The following LAPTM4B variants were observed in gnomAD, a reference collection of about 807,000 sequenced individuals.
LAPTM4B encodes the protein lysosomal protein transmembrane 4 beta.
A neutral mutation model predicts 28.5 loss-of-function variants in LAPTM4B; 26 were observed. The observed-to-expected ratio is 0.91, with a 90% CI of 0.67 to 1.27. The LOEUF (loss-of-function observed/expected upper bound fraction) is 1.27, where lower values mean the gene tolerates loss of function less well. Ranked by LOEUF, LAPTM4B falls within the 50% of genes most tolerant of loss-of-function variation. The probability of loss-of-function intolerance (pLI) is 0.00; values close to 1 mark genes in which losing one functional copy is unlikely to be tolerated. For missense variants in LAPTM4B, 288 were observed against 285.8 expected (o/e 1.01, Z -0.06); for synonymous variants, 109 against 106.4 (o/e 1.02, Z -0.15).
At position 97,790,500 on chromosome 8, in the gene LAPTM4B, T is replaced by C. The variant is rs137962612; in HGVS notation, c.99+14392T>C. 6.6e-3 allele frequency among the ~76,000 whole-genome samples: 1,007 copies of C among 151,792 alleles called. 17 individuals are homozygous for C. The highest frequency in any genetic ancestry group is 0.022 in the African/African-American group (929 of 41,394). ...CTAATTTTTGTATTTTTAGTAGAGATGGAGTTTCACTATGTTGGCCAGGCT... is the reference window on the plus strand; with the variant it reads ...CTAATTTTTGTATTTTTAGTAGAGACGGAGTTTCACTATGTTGGCCAGGCT... On this transcript the variant is annotated intron_variant, in intron 1 of 6. Transcript: ENST00000521545.
At chr8:97,784,958 T>G (rs1033031711) in intron 1 of LAPTM4B, among the ~76,000 whole-genome samples, 2 of 152,146 alleles carry the variant, frequency 1.3e-5, no homozygotes, top group Non-Finnish European at 2.9e-5. Context: ...TTGAACAGAT[T>G]TAGATAGGGA....
At chr8:97,834,151 A>C (rs1429662061) in intron 6 of LAPTM4B, among the ~76,000 whole-genome samples, 1 of 148,938 alleles carries the variant, frequency 6.7e-6, no homozygotes, top group Admixed American at 6.7e-5. Flanking sequence ...ACAGAAAAAA[A>C]AAAAAAATCC....
intron 6 of LAPTM4B, among the ~76,000 whole-genome samples, chr8:97,841,033 CGG>C (rs1817339940): frequency 3.3e-5 from 5 of 150,800 alleles, no homozygotes; most frequent in African/African-American, 9.8e-5. Context: ...GATGGGGCGG[CGG>C]CTGGGCAGAG....
At chr8:97,795,561 G>A (rs1053849415) in intron 1 of LAPTM4B, among the ~76,000 whole-genome samples, 1 of 152,068 alleles carries the variant, frequency 6.6e-6, no homozygotes, top group Admixed American at 6.6e-5. Context: ...TTTTAAGAAA[G>A]TCTAACACTG....
At chr8:97,778,608 C>T (rs1423261335) in intron 1 of LAPTM4B, among the ~76,000 whole-genome samples, 1 of 152,142 alleles carries the variant, frequency 6.6e-6, no homozygotes, top group Non-Finnish European at 1.5e-5. Flanking sequence ...CGTTTGTGTC[C>T]GGTTGATAAC....
chr8:97,795,302 C>T (rs1318218122), intron 1 of LAPTM4B, among the ~76,000 whole-genome samples: 1 of 151,934 alleles, frequency 6.6e-6, no homozygotes, highest in African/African-American at 2.4e-5. Context: ...GTTGCCCAGG[C>T]TAGTCTTGAA....
intron 2 of LAPTM4B, among the ~76,000 whole-genome samples, chr8:97,811,773 A>T (rs1324106361): frequency 1.3e-5 from 2 of 152,154 alleles, no homozygotes; most frequent in Non-Finnish European, 2.9e-5. Context: ...AAGCTGAGCC[A>T]GGGGAACCAT....
At chr8:97,835,027 T>C (rs2449539) in intron 6 of LAPTM4B, among the ~76,000 whole-genome samples, 11,618 of 152,278 alleles carry the variant, frequency 0.076, 998 homozygotes, top group East Asian at 0.37. Flanking sequence ...TCTGAGACTC[T>C]AATGGGGGTT....
intron 1 of LAPTM4B, among the ~76,000 whole-genome samples, chr8:97,797,910 A>C (rs1367539542): frequency 6.6e-6 from 1 of 152,236 alleles, no homozygotes; most frequent in African/African-American, 2.4e-5. Flanking sequence ...AGAACAAGGA[A>C]AAATATGTGA....
At chr8:97,776,212 A>C (rs1028909370) in intron 1 of LAPTM4B, 104 bp downstream of exon 1, 3 of 1,269,604 alleles carry the variant, frequency 2.4e-6, no homozygotes, top group Non-Finnish European at 3.1e-6. Flanking sequence ...TCATCCGCCT[A>C]AAGTTGTATT....
chr8:97,819,215 A>G lies in LAPTM4B; in HGVS notation c.484A>G (p.Ile162Val), dbSNP rs376503517. The change falls in exon 5 of 7, where the codon ATT (isoleucine) becomes GTT (valine). Residue 162 changes from isoleucine to valine, a missense_variant. Coordinates refer to ENST00000521545, the MANE Select transcript of LAPTM4B (RefSeq NM_018407.6). Reference sequence around the variant, plus strand: ...TTTGGTCCTTATTATTCTTCTGTTTATTAGCATTATCTTGACTTTTAAGGT... The same window carrying G: ...TTTGGTCCTTATTATTCTTCTGTTTGTTAGCATTATCTTGACTTTTAAGGT... ...TCLVLIILLF[I>V]SIILTFKGYL... 7.5e-6 allele frequency: 12 copies of G among 1,596,074 alleles called. No individual in the cohort carries two copies. Among genetic ancestry groups the G allele is most frequent in the Non-Finnish European group, 1.0e-5 (12 of 1,164,630 alleles).
At chr8:97,781,695 C>A (rs1300982483) in intron 1 of LAPTM4B, among the ~76,000 whole-genome samples, 1 of 152,188 alleles carries the variant, frequency 6.6e-6, no homozygotes, top group Non-Finnish European at 1.5e-5. Flanking sequence ...CCCAGTTAAT[C>A]CCTGCCATAT....
intron 5 of LAPTM4B, among the ~76,000 whole-genome samples, chr8:97,822,042 C>T (rs7826400): frequency 0.083 from 12,561 of 152,200 alleles, 1,104 homozygotes; most frequent in East Asian, 0.4. Context: ...ATTTTACACA[C>T]GGATGTTGGG....
intron 1 of LAPTM4B, among the ~76,000 whole-genome samples, chr8:97,794,662 T>C (rs1007307058): frequency 6.6e-6 from 1 of 152,212 alleles, no homozygotes; most frequent in African/African-American, 2.4e-5. Flanking sequence ...CCCATTGAAA[T>C]TGAGTCCAAA....
At chr8:97,827,798 T>C (rs2129818059) in intron 6 of LAPTM4B, among the ~76,000 whole-genome samples, 1 of 152,204 alleles carries the variant, frequency 6.6e-6, no homozygotes, top group South Asian at 2.1e-4. Context: ...GGATTGGAGC[T>C]AGTTTTATAG....
intron 6 of LAPTM4B, among the ~76,000 whole-genome samples, chr8:97,835,692 G>A (rs1817248622): frequency 6.6e-6 from 1 of 152,162 alleles, no homozygotes; most frequent in African/African-American, 2.4e-5. Context: ...CCCTTGGGCG[G>A]GCCTGCTGGT....
intron 1 of LAPTM4B, among the ~76,000 whole-genome samples, chr8:97,800,415 A>C (rs991874211): frequency 7.0e-5 from 10 of 142,862 alleles, no homozygotes; most frequent in Non-Finnish European, 1.4e-4. Context: ...TAGGTATTTT[A>C]TGTATATTCA....
rs1586316934 is a variant in LAPTM4B, at chr8:97,780,788, A to G, written c.99+4680A>G. On this transcript the variant is annotated intron_variant, in intron 1 of 6. Transcript: ENST00000521545. Reference sequence around the variant, plus strand: ...ACTGTTTTACTTTTAAAAGTTGTGCATGTGTTTTGGTTTTGTCTTGGAATA... The same window carrying G: ...ACTGTTTTACTTTTAAAAGTTGTGCGTGTGTTTTGGTTTTGTCTTGGAATA... 2.0e-5 allele frequency among the ~76,000 whole-genome samples: 3 copies of G among 152,182 alleles called. No homozygotes were observed. In the East Asian group the frequency reaches 5.8e-4, roughly 29 times the overall value.
chr8:97,787,496 G>C (rs1374800158), intron 1 of LAPTM4B, among the ~76,000 whole-genome samples: 1 of 152,090 alleles, frequency 6.6e-6, no homozygotes, highest in Admixed American at 6.5e-5. Context: ...ATGTTAGCCA[G>C]GATGGTCTCG....
Sources: gnomAD v4.1 joint callset for allele counts (sites outside exome capture counted in the v4.1 genomes callset) on GRCh38, gnomAD v4.1.1 for gene constraint, MANE v1.5 for transcripts, NCBI Gene and HGNC (gene_info 2026-07-23, HGNC 2026-07-21) for gene names.